TBC1D1: variants seen among roughly 807,000 people sequenced by gnomAD.
TBC1D1 encodes TBC1 (tre-2/USP6, BUB2, cdc16) domain family, member 1.
A neutral mutation model predicts 125.6 loss-of-function variants in TBC1D1; 89 were observed. The ratio of observed to expected loss-of-function variants is 0.71; its 90% CI spans 0.60 to 0.85. The LOEUF (loss-of-function observed/expected upper bound fraction) is 0.85, where lower values mean the gene tolerates loss of function less well. Ranked by LOEUF, TBC1D1 falls within the 40% of genes least tolerant of loss-of-function variation. TBC1D1 has a pLI of 0.00. For missense variants in TBC1D1, 1,377 were observed against 1,469.2 expected, an observed-to-expected ratio of 0.94 and a Z score of 1.03; for synonymous variants, 565 against 564.1, an observed-to-expected ratio of 1.00 and a Z score of -0.02.
At chr4:38,124,308 C>G (rs1285309736) in intron 17 of TBC1D1, among the ~76,000 whole-genome samples, 2 of 152,200 alleles carry the variant, frequency 1.3e-5, no homozygotes, top group African/African-American at 4.8e-5. Context: ...GGTGCCCTCC[C>G]TCTTATTCTG....
At chr4:37,946,734 A>G (rs1335826021) in intron 2 of TBC1D1, among the ~76,000 whole-genome samples, 1 of 152,186 alleles carries the variant, frequency 6.6e-6, no homozygotes, top group Non-Finnish European at 1.5e-5. Context: ...TGGAGAAGGC[A>G]TGAGAAAGTG....
chr4:37,929,477 C>G (rs945671162), intron 2 of TBC1D1, among the ~76,000 whole-genome samples: 5 of 152,216 alleles, frequency 3.3e-5, no homozygotes, highest in Non-Finnish European at 7.3e-5. Flanking sequence ...CCTCGGACCC[C>G]TGGCACCTAT....
At chr4:37,943,753 T>C (rs1726065145) in intron 2 of TBC1D1, among the ~76,000 whole-genome samples, 1 of 152,132 alleles carries the variant, frequency 6.6e-6, no homozygotes, top group Admixed American at 6.5e-5. Context: ...TTTTTCAAGG[T>C]TTTTAGCTTC....
At position 38,049,705 on chromosome 4, in the gene TBC1D1, T is replaced by C. The variant is rs1750123794; in HGVS notation, c.1717T>C (p.Ser573Pro). The C allele has an allele frequency of 6.2e-7, 1 of 1,614,150 alleles. No individual in the cohort carries two copies. The highest frequency in any genetic ancestry group is 1.3e-5 in the African/African-American group (1 of 75,036). Reference sequence around the variant, plus strand: ...CTCCTCGGAGGACCTGTCCAGTGACTCGGAGAGTCATCTCCCAGAAGAGCC... The same window carrying C: ...CTCCTCGGAGGACCTGTCCAGTGACCCGGAGAGTCATCTCCCAGAAGAGCC... The change falls in exon 11 of 20, where the codon TCG (serine) becomes CCG (proline). Residue 573 changes from serine to proline, a missense_variant. This residue lies in a region of TBC1D1 where 822 missense variants were observed against 824.6 expected (regional missense o/e 1.00). Coordinates refer to ENST00000261439, the MANE Select transcript of TBC1D1 (RefSeq NM_015173.4).
intron 2 of TBC1D1, among the ~76,000 whole-genome samples, chr4:37,979,192 C>T (rs904143261): frequency 2.6e-5 from 4 of 152,090 alleles, no homozygotes; most frequent in African/African-American, 4.8e-5. Flanking sequence ...ATTATTATTT[C>T]GATTACAGGA....
chr4:38,128,882 A>G (rs887931990), intron 18 of TBC1D1, among the ~76,000 whole-genome samples: 1 of 152,236 alleles, frequency 6.6e-6, no homozygotes, highest in East Asian at 1.9e-4. Context: ...TCAGTGTTGT[A>G]TTCTTGTCAC....
intron 2 of TBC1D1, among the ~76,000 whole-genome samples, chr4:37,965,053 G>C (rs1730816548): frequency 6.6e-6 from 1 of 152,258 alleles, no homozygotes; most frequent in Non-Finnish European, 1.5e-5. Context: ...CTGCTCCACT[G>C]TGCCTAGGTG....
At position 38,014,502 on chromosome 4, in the gene TBC1D1, T is replaced by G. The variant is rs202037348; in HGVS notation, c.418-7T>G. The G allele has an allele frequency of 1.2e-6, 2 of 1,609,808 alleles. No homozygotes were observed. The highest frequency in any genetic ancestry group is 2.7e-5 in the African/African-American group (2 of 74,852). On this transcript the variant is annotated splice_region_variant and splice_polypyrimidine_tract_variant and intron_variant, in intron 2 of 19. Coordinates refer to ENST00000261439, the MANE Select transcript of TBC1D1 (RefSeq NM_015173.4). This position sits in a 1 kb window ranked among gnomAD's most constrained non-coding sequence, Gnocchi z 5.1. ...GTTCCAAATAACACGCCTCTCTCTC[T>G]CCTCAGGTGCCTGAGATCATCAGCT...
chr4:38,102,963 C>A, intron 14 of TBC1D1, 36 bp from the exon 17 acceptor site: 1 of 1,591,200 alleles, frequency 6.3e-7, no homozygotes, highest in Non-Finnish European at 8.6e-7. Flanking sequence ...GTATTCTGTG[C>A]ATAAATTATT....
intron 6 of TBC1D1, 111 bp from the exon 7 acceptor site, chr4:38,027,677 G>A: frequency 1.8e-6 from 1 of 557,034 alleles, no homozygotes; most frequent in Non-Finnish European, 3.2e-6. Context: ...TAAAACCTTG[G>A]AAGTCTGAAG....
chr4:37,919,002 A>T (rs544094450), intron 2 of TBC1D1, among the ~76,000 whole-genome samples: 30 of 152,142 alleles, frequency 2.0e-4, no homozygotes, highest in Admixed American at 1.8e-3. Context: ...TCTACTCCTT[A>T]TAATATAATA....
rs747591125 is a variant in TBC1D1 at position 38,133,146 on chromosome 4, AG to A, written c.3196del (p.Glu1066LysfsTer18). ...ATGAAGTTGAGTACCACGTCCTTCA[AG>A]AAGAACTTATCGATTCCTCTCCTCT... On this transcript the variant is annotated frameshift_variant, in exon 19 of 20. Coordinates refer to ENST00000261439, the MANE Select transcript of TBC1D1 (RefSeq NM_015173.4). LOFTEE classifies it high-confidence loss of function. The A allele has an allele frequency of 1.2e-6, 2 of 1,614,230 alleles. No homozygotes were observed. Among genetic ancestry groups the A allele is most frequent in the Non-Finnish European group, 1.7e-6 (2 of 1,180,022 alleles).
At chr4:38,008,003 A>G (rs758989362) in intron 2 of TBC1D1, among the ~76,000 whole-genome samples, 5 of 152,208 alleles carry the variant, frequency 3.3e-5, no homozygotes, top group Non-Finnish European at 5.9e-5. Flanking sequence ...CCTCCAAACA[A>G]GCTGCTTCAT....
At chr4:38,127,476 C>T (rs1333429502) in intron 18 of TBC1D1, among the ~76,000 whole-genome samples, 1 of 149,488 alleles carries the variant, frequency 6.7e-6, no homozygotes, top group African/African-American at 2.5e-5. Flanking sequence ...CCTCCACCTT[C>T]TGGGCTCAAG....
rs146727138 is a variant in TBC1D1 at position 37,990,466 on chromosome 4, C to G, written c.418-24043C>G. Among the ~76,000 whole-genome samples the G allele has an allele frequency of 4.6e-3, 707 of 152,252 alleles. 3 individuals carry two copies. The highest frequency in any genetic ancestry group is 0.016 in the African/African-American group (680 of 41,530). Reference sequence around the variant, plus strand: ...GTAAAATTTGACTTCAGAAACACAACCAAAAGCCCGCTTATGAGTAAGGAG... The same window carrying G: ...GTAAAATTTGACTTCAGAAACACAAGCAAAAGCCCGCTTATGAGTAAGGAG... On this transcript the variant is annotated intron_variant, in intron 2 of 19. Transcript: ENST00000261439.
intron 6 of TBC1D1, among the ~76,000 whole-genome samples, chr4:38,023,479 C>G (rs930730780): frequency 3.3e-5 from 5 of 152,232 alleles, no homozygotes; most frequent in Non-Finnish European, 2.9e-5. Context: ...AACTGAAGCT[C>G]ATTAAATGCC....
At chr4:37,898,900 T>C (rs556813530) in intron 1 of TBC1D1, among the ~76,000 whole-genome samples, 216 of 152,308 alleles carry the variant, frequency 1.4e-3, no homozygotes, top group African/African-American at 4.9e-3. Flanking sequence ...ACTAGTTCTC[T>C]ATCTTCAGAG....
At chr4:38,070,432 C>T (rs975976540) in intron 12 of TBC1D1, among the ~76,000 whole-genome samples, 1 of 152,208 alleles carries the variant, frequency 6.6e-6, no homozygotes, top group African/African-American at 2.4e-5. Context: ...TTCGGCATGA[C>T]CCGGCCATGG....
intron 2 of TBC1D1, chr4:37,951,904 T>G (rs1727955475): frequency 1.4e-6 from 1 of 701,556 alleles, no homozygotes; most frequent in African/African-American, 1.8e-5. Flanking sequence ...CAGGTGATAA[T>G]GGGTATGTAC....
Sources: allele counts gnomAD v4.1 joint callset (sites outside exome capture counted in the v4.1 genomes callset), GRCh38; gene constraint gnomAD v4.1.1; regional missense constraint gnomAD v4.1.1; non-coding constraint Gnocchi (gnomAD v3.1); transcripts MANE v1.5; gene names NCBI Gene and HGNC (gene_info 2026-07-23, HGNC 2026-07-21).